WWTR1: variants seen among roughly 807,000 people sequenced by gnomAD.
WWTR1 encodes the protein WW domain containing transcription regulator 1.
WWTR1 carries 13 observed loss-of-function variants against 40.1 expected under a neutral mutation model. That is an observed-to-expected ratio of 0.32 (90% confidence interval 0.21 to 0.52). The LOEUF is 0.52. Among genes scored for constraint, WWTR1 ranks in the 20% least tolerant of loss-of-function variants. The pLI is 0.97. For missense variants in WWTR1, 436 were observed against 523.1 expected (o/e 0.83, Z 1.63); for synonymous variants, 230 against 210.1 (o/e 1.09, Z -0.82).
chr3:149,632,719 A>C (rs1711604194), intron 2 of WWTR1, among the ~76,000 whole-genome samples: 1 of 152,264 alleles, frequency 6.6e-6, no homozygotes, highest in African/African-American at 2.4e-5. Context: ...CTATTAAGCC[A>C]TAAAAAGGAT....
At chr3:149,529,371 G>C (rs1290469404) in intron 4 of WWTR1, among the ~76,000 whole-genome samples, 2 of 151,968 alleles carry the variant, frequency 1.3e-5, no homozygotes, top group Non-Finnish European at 2.9e-5. Context: ...TCAGTTACTA[G>C]AGTTGGTTGC....
chr3:149,577,270 C>T (rs1737927317), intron 2 of WWTR1, among the ~76,000 whole-genome samples: 1 of 152,120 alleles, frequency 6.6e-6, no homozygotes. Context: ...CACCTGATCC[C>T]ATGCTGTTTA....
intron 1 of WWTR1, among the ~76,000 whole-genome samples, chr3:149,682,158 G>A (rs1216492166): frequency 6.6e-6 from 1 of 152,146 alleles, no homozygotes; most frequent in Non-Finnish European, 1.5e-5. Context: ...TAACATTTAA[G>A]ACCCCTGGGA....
chr3:149,604,307 G>T (rs1739389945), intron 2 of WWTR1, among the ~76,000 whole-genome samples: 1 of 152,108 alleles, frequency 6.6e-6, no homozygotes, highest in Non-Finnish European at 1.5e-5. Flanking sequence ...CTCACTGCAT[G>T]CACACCCCAC....
intron 4 of WWTR1, among the ~76,000 whole-genome samples, chr3:149,718,442 T>C (rs1476675792): frequency 6.6e-6 from 1 of 152,242 alleles, no homozygotes; most frequent in Non-Finnish European, 1.5e-5. Flanking sequence ...GTTCTTTTCA[T>C]TTTAATTTTT....
intron 2 of WWTR1, among the ~76,000 whole-genome samples, chr3:149,614,301 C>G (rs903693552): frequency 2.0e-5 from 3 of 152,130 alleles, no homozygotes; most frequent in Admixed American, 6.6e-5. Flanking sequence ...TTACCTTTCT[C>G]TATGTTTAGA....
chr3:149,527,848 G>C lies in WWTR1; in HGVS notation c.893C>G (p.Pro298Arg). Reference protein sequence around the residue: ...MRSITNNSSDPFLNGGPYHSR... With the variant: ...MRSITNNSSDRFLNGGPYHSR... ...AATATTAACTTACCCATTGAGGAAA[G>C]GATCTGAGCTATTATTAGTGATGGA... The change falls in exon 5 of 7, where the codon CCT becomes CGT. Residue 298 changes from proline to arginine, a missense_variant. Pro to Arg is a moderately radical substitution (Grantham distance 103, BLOSUM62 -2). Coordinates refer to ENST00000360632, the MANE Select transcript of WWTR1 (RefSeq NM_015472.6). 6.2e-7 allele frequency: 1 copy of C among 1,614,108 alleles called. No homozygotes were observed.
At chr3:149,683,847 G>T (rs1714541462) in intron 1 of WWTR1, among the ~76,000 whole-genome samples, 1 of 152,288 alleles carries the variant, frequency 6.6e-6, no homozygotes, top group East Asian at 1.9e-4. Context: ...GAGACGAGCT[G>T]GGGTGGAGAT....
At chr3:149,587,808 A>G (rs1280610790) in intron 2 of WWTR1, among the ~76,000 whole-genome samples, 1 of 152,246 alleles carries the variant, frequency 6.6e-6, no homozygotes, top group Non-Finnish European at 1.5e-5. Context: ...ATGATTTAAT[A>G]AACAAAAGAA....
At chr3:149,545,405 T>C (rs1347336374) in intron 3 of WWTR1, among the ~76,000 whole-genome samples, 1 of 152,236 alleles carries the variant, frequency 6.6e-6, no homozygotes, top group Admixed American at 6.5e-5. Context: ...ATATTTAATA[T>C]GGTAGTATCT....
chr3:149,709,778 C>A (rs1471513204), intron 5 of WWTR1, among the ~76,000 whole-genome samples: 1 of 152,062 alleles, frequency 6.6e-6, no homozygotes, highest in Non-Finnish European at 1.5e-5. Flanking sequence ...GTGGAACATG[C>A]CTGTGATCCC....
At chr3:149,576,167 G>A (rs1737869665) in intron 2 of WWTR1, 1 of 452,650 alleles carries the variant, frequency 2.2e-6, no homozygotes, top group Admixed American at 2.4e-5. Flanking sequence ...CAGCTGTAAG[G>A]CTGCGCTAAC....
At chr3:149,599,854 T>A (rs1287580089) in intron 2 of WWTR1, among the ~76,000 whole-genome samples, 1 of 152,216 alleles carries the variant, frequency 6.6e-6, no homozygotes, top group Non-Finnish European at 1.5e-5. Context: ...CATCTTTAAA[T>A]AGCGACAAGG....
chr3:149,543,407 C>T (rs1413031830), intron 3 of WWTR1, among the ~76,000 whole-genome samples: 1 of 151,338 alleles, frequency 6.6e-6, no homozygotes, highest in East Asian at 1.9e-4. Context: ...ATGGTGAAAC[C>T]CCATCTCTAT....
intron 2 of WWTR1, among the ~76,000 whole-genome samples, chr3:149,605,276 T>A (rs1266460778): frequency 6.6e-6 from 1 of 152,094 alleles, no homozygotes; most frequent in Non-Finnish European, 1.5e-5. Flanking sequence ...TGAGAGTGGA[T>A]CAGAGGAGAG....
intron 1 of WWTR1, among the ~76,000 whole-genome samples, chr3:149,685,227 G>A (rs897308645): frequency 1.3e-5 from 2 of 152,192 alleles, no homozygotes; most frequent in African/African-American, 4.8e-5. Context: ...ACTATTTAGA[G>A]TCTCTCTCCC....
intron 2 of WWTR1, among the ~76,000 whole-genome samples, chr3:149,606,232 T>C (rs1403965898): frequency 1.3e-5 from 2 of 152,202 alleles, no homozygotes; most frequent in Non-Finnish European, 2.9e-5. Flanking sequence ...TTTGTTATAG[T>C]AGCCTGGACA....
chr3:149,527,941 A>G lies in WWTR1; in HGVS notation c.800T>C (p.Met267Thr), dbSNP rs1006990612. The change falls in exon 5 of 7, where the codon ATG (methionine) becomes ACG (threonine). Residue 267 changes from methionine (M) to threonine (T), a missense_variant. Transcript: ENST00000360632. The part of the protein sequence containing the change: ...QEAALCRQLP[M>T]EAETLAPVQA... ...AACTGGGGCAAGAGTCTCAGCTTCC[A>G]TGGGGAGCTGTCGACAGAGGGCAGC... 6 of 1,614,018 alleles carry G rather than the reference A, an allele frequency of 3.7e-6. No individual in the cohort carries two copies. The Admixed American group carries it at 5.0e-5, about 13-fold the overall frequency.
intron 2 of WWTR1, among the ~76,000 whole-genome samples, chr3:149,606,114 C>T (rs1420729494): frequency 6.6e-6 from 1 of 152,054 alleles, no homozygotes; most frequent in Non-Finnish European, 1.5e-5. Flanking sequence ...AGGAATAGGC[C>T]CTCATAAGAC....
Sources: gnomAD v4.1 joint callset for allele counts (sites outside exome capture counted in the v4.1 genomes callset) on GRCh38, gnomAD v4.1.1 for gene constraint, MANE v1.5 for transcripts, NCBI Gene and HGNC (gene_info 2026-07-23, HGNC 2026-07-21) for gene names.